The following GABRA2 variants were observed in gnomAD, a reference collection of about 807,000 sequenced individuals.
The protein encoded by GABRA2 is gamma-aminobutyric acid type A receptor subunit alpha2.
In GABRA2, 16 loss-of-function variants were observed where a neutral mutation model predicts 48.7. The observed-to-expected ratio is 0.33, with a 90% confidence interval of 0.22 to 0.50. The LOEUF is 0.50. GABRA2 is among the 20% of genes least tolerant of loss of function. The pLI, the probability that GABRA2 is intolerant of heterozygous loss-of-function variation, is 0.98. For synonymous variants in GABRA2, 185 were observed against 184.5 expected, an observed-to-expected ratio of 1.00 and a Z score of -0.02; for missense variants, 275 against 535.6, an observed-to-expected ratio of 0.51 and a Z score of 4.80.
intron 3 of GABRA2, among the ~76,000 whole-genome samples, chr4:46,353,658 T>A (rs1200875387): frequency 2.0e-5 from 3 of 152,140 alleles, no homozygotes; most frequent in Non-Finnish European, 1.5e-5. Flanking sequence ...AATGCTATTT[T>A]TTTCAGTCAT....
At chr4:46,379,479 G>A (rs1173823772) in intron 3 of GABRA2, among the ~76,000 whole-genome samples, 1 of 152,118 alleles carries the variant, frequency 6.6e-6, no homozygotes. Flanking sequence ...TTACATACGT[G>A]CGAAATCATC....
rs527673230 is a variant in GABRA2, at chr4:46,249,799, T to C, written c.*509A>G. ...TTCATAGCTGATTTCAAATCTCTAG[T>C]TTTTCTTATGTGTACCAAGCTTCCA... On this transcript the variant is annotated 3_prime_UTR_variant, in exon 10 of 10. Transcript: ENST00000381620. 1 of 153,520 alleles carries C rather than the reference T, an allele frequency of 6.5e-6. No individual in the cohort carries two copies. Among genetic ancestry groups the C allele is most frequent in the East Asian group, 1.9e-4 (1 of 5,134 alleles). 9.5% of individuals were successfully genotyped at this position (153,520 alleles called of 1,614,324 possible).
intron 6 of GABRA2, among the ~76,000 whole-genome samples, chr4:46,308,329 CT>C (rs1400640931): frequency 6.6e-6 from 1 of 152,118 alleles, no homozygotes; most frequent in Non-Finnish European, 1.5e-5. Context: ...AAAAATGCTT[CT>C]TTTGATTGAG....
At chr4:46,312,753 A>C in intron 4 of GABRA2, 37 bp from the exon 5 acceptor site, 2 of 1,083,408 alleles carry the variant, frequency 1.8e-6, no homozygotes, top group Admixed American at 2.7e-5. Flanking sequence ...AAAATAGTAA[A>C]TGTTGTAGAC....
At position 46,246,641 on chromosome 4, in the gene GABRA2, G is replaced by T. The variant is rs533204782; in HGVS notation, c.*3667C>A. The stretch of plus-strand genomic sequence containing the variant: ...AATGTTTTCATATGATAAAAAATTT[G>T]GTCATTGCTTCAAAAACATGCAGAT... On this transcript the variant is annotated 3_prime_UTR_variant, in exon 10 of 10. Coordinates refer to ENST00000381620, the MANE Select transcript of GABRA2 (RefSeq NM_000807.4). 6.6e-6 allele frequency among the ~76,000 whole-genome samples: 1 copy of T among 151,112 alleles called. No homozygotes were observed. Among genetic ancestry groups the T allele is most frequent in the African/African-American group, 2.4e-5 (1 of 41,330 alleles).
intron 8 of GABRA2, among the ~76,000 whole-genome samples, chr4:46,297,540 G>A (rs1056589463): frequency 8.2e-6 from 1 of 121,456 alleles, no homozygotes; most frequent in African/African-American, 3.2e-5. Flanking sequence ...ATACACTCTA[G>A]AGAACCCTAA....
At chr4:46,368,309 CTT>C (rs565674796) in intron 3 of GABRA2, 4 of 152,184 alleles carry the variant, frequency 2.6e-5, no homozygotes, top group Admixed American at 1.3e-4. Context: ...AGAGGCCTCT[CTT>C]TGAGGTTTTG....
intron 8 of GABRA2, among the ~76,000 whole-genome samples, chr4:46,264,757 T>C (rs1172694412): frequency 6.6e-6 from 1 of 151,794 alleles, no homozygotes; most frequent in Non-Finnish European, 1.5e-5. Flanking sequence ...TTGAGAAAGA[T>C]TGTTGTTAAT....
chr4:46,277,751 G>A (rs941915307), intron 8 of GABRA2, among the ~76,000 whole-genome samples: 2 of 152,176 alleles, frequency 1.3e-5, no homozygotes, highest in African/African-American at 4.8e-5. Context: ...AACTGGTAAT[G>A]TGGGCAACAG....
At chr4:46,359,218 C>T (rs927169441) in intron 3 of GABRA2, among the ~76,000 whole-genome samples, 2 of 152,084 alleles carry the variant, frequency 1.3e-5, no homozygotes, top group African/African-American at 4.8e-5. Flanking sequence ...TAGGGAGATA[C>T]TCTTAAACTA....
chr4:46,377,080 C>T (rs1001886129), intron 3 of GABRA2, among the ~76,000 whole-genome samples: 2 of 152,032 alleles, frequency 1.3e-5, no homozygotes, highest in African/African-American at 4.8e-5. Flanking sequence ...GATCTCGGCT[C>T]GCTACAACCT....
At chr4:46,293,771 G>C (rs955541367) in intron 8 of GABRA2, among the ~76,000 whole-genome samples, 15 of 152,196 alleles carry the variant, frequency 9.9e-5, no homozygotes, top group African/African-American at 3.6e-4. Flanking sequence ...ATCCCTGGAG[G>C]AACTGCTGAG....
chr4:46,302,002 A>C (rs1160147753), intron 8 of GABRA2, among the ~76,000 whole-genome samples: 1 of 152,180 alleles, frequency 6.6e-6, no homozygotes, highest in Admixed American at 6.6e-5. Flanking sequence ...GCATAGTTTC[A>C]ATCAAGAAAA....
intron 8 of GABRA2, among the ~76,000 whole-genome samples, chr4:46,282,758 C>T (rs1249599919): frequency 6.6e-6 from 1 of 152,122 alleles, no homozygotes; most frequent in East Asian, 1.9e-4. Flanking sequence ...GAATTAGTAT[C>T]CGATAATAAA....
intron 4 of GABRA2, among the ~76,000 whole-genome samples, chr4:46,321,412 A>G (rs1035913886): frequency 2.6e-5 from 4 of 152,078 alleles, no homozygotes; most frequent in African/African-American, 9.7e-5. Context: ...TGTTAATTTT[A>G]CTTGACTGTA....
chr4:46,290,743 G>A (rs1723468842), intron 8 of GABRA2, among the ~76,000 whole-genome samples: 1 of 152,062 alleles, frequency 6.6e-6, no homozygotes, highest in African/African-American at 2.4e-5. Context: ...AAACATAAAG[G>A]AAATTAATGG....
rs1578264544 is a variant in GABRA2 at position 46,389,902 on chromosome 4, T to G, written c.-178A>C. On this transcript the variant is annotated 5_prime_UTR_variant, in exon 1 of 10. Transcript: ENST00000381620. ...GCCAAGAGAGCGTGGAGCGATGGGC[T>G]GGTGGAAGCCGGAGAGGAGCGCTAG... The G allele has an allele frequency of 2.1e-6, 2 of 965,822 alleles. No individual in the cohort carries two copies. Among genetic ancestry groups the G allele is most frequent in the Non-Finnish European group, 2.4e-6 (2 of 826,730 alleles). The allele number at this position is 965,822 out of a possible 1,614,324, so 59.8% of individuals were successfully genotyped here.
chr4:46,293,218 A>G (rs1724001812), intron 8 of GABRA2, among the ~76,000 whole-genome samples: 1 of 152,198 alleles, frequency 6.6e-6, no homozygotes, highest in South Asian at 2.1e-4. Flanking sequence ...TTATAAAAAC[A>G]GAGAATCATG....
rs1420444254 is a variant in GABRA2 at position 46,248,117 on chromosome 4, TGTTA to T, written c.*2187_*2190del. Among the ~76,000 whole-genome samples the T allele has an allele frequency of 6.6e-6, 1 of 151,346 alleles. No individual in the cohort carries two copies. The highest frequency in any genetic ancestry group is 6.6e-5 in the Admixed American group (1 of 15,124). ...GCCTTTTCTGTTGTCATACAGAAAC[TGTTA>T]TTTACAACTGTTTTTACATATACAC... is the stretch of plus-strand genomic sequence containing the variant. On this transcript the variant is annotated 3_prime_UTR_variant, in exon 10 of 10. Coordinates refer to ENST00000381620, the MANE Select transcript of GABRA2 (RefSeq NM_000807.4).
Sources: allele counts gnomAD v4.1 joint callset (sites outside exome capture counted in the v4.1 genomes callset), GRCh38; gene constraint gnomAD v4.1.1; transcripts MANE v1.5; gene names NCBI Gene and HGNC (gene_info 2026-07-23, HGNC 2026-07-21).